Variants in FAF1 observed in about 807,000 individuals in gnomAD.
FAF1 encodes FAS-associated factor 1.
In FAF1, 25 loss-of-function variants were observed where a neutral mutation model predicts 92.5. That is an observed-to-expected ratio of 0.27 (90% CI 0.20 to 0.38). The LOEUF is 0.38. Ranked by LOEUF, FAF1 falls within the 10% of genes least tolerant of loss-of-function variation. FAF1 has a pLI of 1.00. For missense variants in FAF1, 636 were observed against 793.3 expected, an observed-to-expected ratio of 0.80 and a Z score of 2.38; for synonymous variants, 234 against 273.2, an observed-to-expected ratio of 0.86 and a Z score of 1.42.
intron 1 of FAF1, among the ~76,000 whole-genome samples, chr1:50,905,156 G>A (rs182522766): frequency 9.9e-5 from 15 of 152,136 alleles, no homozygotes; most frequent in Non-Finnish European, 1.5e-4. Context: ...CTGTATTTGC[G>A]ATCGTTTGCT....
chr1:50,665,340 GTTAATC>G (rs1205200363), intron 7 of FAF1, among the ~76,000 whole-genome samples: 4 of 152,162 alleles, frequency 2.6e-5, no homozygotes, highest in Admixed American at 2.0e-4. Context: ...CAATATACTA[GTTAATC>G]TTAAAGACAT....
intron 8 of FAF1, among the ~76,000 whole-genome samples, chr1:50,639,399 T>G (rs1047274550): frequency 6.6e-6 from 1 of 152,240 alleles, no homozygotes; most frequent in African/African-American, 2.4e-5. Flanking sequence ...TTTGCCTTCC[T>G]ACCTTGCTGA....
chr1:50,547,710 G>A (rs750142554), intron 13 of FAF1, among the ~76,000 whole-genome samples: 1 of 152,048 alleles, frequency 6.6e-6, no homozygotes, highest in African/African-American at 2.4e-5. Flanking sequence ...CACCGCGCCC[G>A]GCAAAAGCAA....
intron 8 of FAF1, among the ~76,000 whole-genome samples, chr1:50,602,016 C>G (rs1652160139): frequency 6.6e-6 from 1 of 152,146 alleles, no homozygotes; most frequent in South Asian, 2.1e-4. Context: ...TAGGTACGAC[C>G]AACTAAATGG....
chr1:50,747,554 A>G (rs1464825168), intron 4 of FAF1, among the ~76,000 whole-genome samples: 1 of 152,220 alleles, frequency 6.6e-6, no homozygotes, highest in Non-Finnish European at 1.5e-5. Flanking sequence ...GCTCACAGGT[A>G]AAAGGGACCA....
At chr1:50,654,993 G>A (rs1655040203) in intron 8 of FAF1, among the ~76,000 whole-genome samples, 1 of 136,110 alleles carries the variant, frequency 7.3e-6, no homozygotes, top group African/African-American at 2.7e-5. Flanking sequence ...TTTTTGAGAT[G>A]GAGTTTCGCT....
At chr1:50,597,281 TGA>T (rs1186849763) in intron 8 of FAF1, among the ~76,000 whole-genome samples, 2 of 152,194 alleles carry the variant, frequency 1.3e-5, no homozygotes, top group African/African-American at 4.8e-5. Context: ...GACTGTTCCA[TGA>T]GAGAAGCCCA....
Position 50,816,371 on chromosome 1 carries a change from AT to A in FAF1, c.115-14695del, listed in dbSNP as rs545984353. ...AGGCGCCTGCCACTATGCCCGGCTA[AT>A]TTTTTGTATTTCTAGTAGAGATGGG... On this transcript the variant is annotated intron_variant, in intron 2 of 18. Coordinates refer to ENST00000396153, the MANE Select transcript of FAF1 (RefSeq NM_007051.3). 3.4e-3 allele frequency among the ~76,000 whole-genome samples: 515 copies of A among 151,602 alleles called. 2 individuals are homozygous for A. Among genetic ancestry groups the A allele is most frequent in the African/African-American group, 0.012 (494 of 41,370 alleles).
In FAF1 at chr1:50,490,811, T is replaced by C. The variant is rs951166425; in HGVS notation, c.1576-146A>G. ...ATTGTCAACATGACTCAGAGGTATA[T>C]TGTGGTAACGGAAATGTTTCTAGAA... On this transcript the variant is annotated intron_variant, in intron 16 of 18. Transcript: ENST00000396153. 4.3e-5 allele frequency: 28 copies of C among 644,344 alleles called. No homozygotes were observed. The highest frequency in any genetic ancestry group is 3.7e-5 in the South Asian group (2 of 53,452). The allele number at this position is 644,344 out of a possible 1,614,324, so 39.9% of individuals were successfully genotyped here.
At chr1:50,584,506 A>G (rs1472991175) in intron 10 of FAF1, among the ~76,000 whole-genome samples, 179 bp downstream of exon 10, 1 of 152,140 alleles carries the variant, frequency 6.6e-6, no homozygotes, top group East Asian at 1.9e-4. Flanking sequence ...AGAATTTTTG[A>G]GTTTAATAAA....
intron 13 of FAF1, among the ~76,000 whole-genome samples, chr1:50,561,321 C>T (rs1184073202): frequency 6.6e-6 from 1 of 152,078 alleles, no homozygotes; most frequent in Non-Finnish European, 1.5e-5. Flanking sequence ...GATCAAGTAT[C>T]CAGTCTGAAC....
At chr1:50,671,404 C>T (rs1338216794) in intron 7 of FAF1, among the ~76,000 whole-genome samples, 4 of 119,804 alleles carry the variant, frequency 3.3e-5, no homozygotes, top group Non-Finnish European at 7.2e-5. Flanking sequence ...GACTCCGTCT[C>T]AAAAAAAAAA....
intron 8 of FAF1, among the ~76,000 whole-genome samples, chr1:50,638,016 TATAA>T: frequency 6.6e-6 from 1 of 152,292 alleles, no homozygotes; most frequent in East Asian, 1.9e-4. Context: ...GTATAGATCT[TATAA>T]ATATTTTATT....
chr1:50,456,571 CCAAA>C lies in FAF1; in HGVS notation c.1870-15052_1870-15049del, dbSNP rs745614328. Among the ~76,000 whole-genome samples, 5 of 152,282 alleles carry C rather than the reference CCAAA, an allele frequency of 3.3e-5. No homozygotes were observed. The South Asian group carries it at 6.2e-4, about 19-fold the overall frequency. ...AGATGGAAAATATAAAACCAACCAACCAAACAAACAAAAATAGTGGATGAATAGC... is the reference window on the plus strand; with the variant it reads ...AGATGGAAAATATAAAACCAACCAACCAAACAAAAATAGTGGATGAATAGC... On this transcript the variant is annotated intron_variant, in intron 18 of 18. Transcript: ENST00000396153.
intron 13 of FAF1, among the ~76,000 whole-genome samples, chr1:50,541,267 T>C (rs1001991055): frequency 1.1e-4 from 17 of 152,170 alleles, no homozygotes; most frequent in African/African-American, 2.9e-4. Flanking sequence ...GTTAGCACCA[T>C]TGCAATAAGT....
intron 1 of FAF1, among the ~76,000 whole-genome samples, chr1:50,862,520 A>G (rs986739805): frequency 6.6e-6 from 1 of 151,844 alleles, no homozygotes; most frequent in African/African-American, 2.4e-5. Flanking sequence ...TGTTAGCACA[A>G]TAGAGTAACT....
intron 2 of FAF1, among the ~76,000 whole-genome samples, chr1:50,838,668 T>C (rs1474913974): frequency 6.6e-6 from 1 of 151,504 alleles, no homozygotes; most frequent in East Asian, 1.9e-4. Context: ...CCACAGATGT[T>C]ACTGGGTTTT....
chr1:50,638,445 CTTT>C (rs35054798), intron 8 of FAF1, among the ~76,000 whole-genome samples: 4 of 131,616 alleles, frequency 3.0e-5, no homozygotes, highest in Non-Finnish European at 1.6e-5. Flanking sequence ...TTTTCTTTTT[CTTT>C]TTTTTTTTTT....
intron 4 of FAF1, among the ~76,000 whole-genome samples, chr1:50,755,578 T>C (rs575927525): frequency 2.3e-4 from 35 of 152,244 alleles, no homozygotes; most frequent in African/African-American, 8.2e-4. Flanking sequence ...TCTTCTCACA[T>C]CTCCACTAAG....
Sources: gnomAD v4.1 joint callset for allele counts (sites outside exome capture counted in the v4.1 genomes callset) on GRCh38, gnomAD v4.1.1 for gene constraint, MANE v1.5 for transcripts, NCBI Gene and HGNC (gene_info 2026-07-23, HGNC 2026-07-21) for gene names.